PDXK: variants seen among roughly 807,000 people sequenced by gnomAD.
PDXK encodes pyridoxal kinase.
Under a neutral mutation model 43.2 loss-of-function variants are expected in PDXK, and 15 were observed. The ratio of observed to expected loss-of-function variants is 0.35; its 90% CI spans 0.23 to 0.53. PDXK has a LOEUF of 0.53. Ranked by LOEUF, PDXK falls within the 20% of genes least tolerant of loss-of-function variation. The probability of loss-of-function intolerance (pLI) is 0.92; values close to 1 mark genes in which losing one functional copy is unlikely to be tolerated. For synonymous variants in PDXK, 172 were observed against 165.4 expected, an observed-to-expected ratio of 1.04 and a Z score of -0.31; for missense variants, 343 against 417.0, an observed-to-expected ratio of 0.82 and a Z score of 1.54.
At chr21:43,744,745 C>T (rs1483793676) in intron 4 of PDXK, 1 of 152,270 alleles carries the variant, frequency 6.6e-6, no homozygotes, top group African/African-American at 2.4e-5. Flanking sequence ...CACCATGTGA[C>T]CCAGCAATTC....
Position 43,732,733 on chromosome 21 carries a change from ATTTTATTTTTTAT to A in PDXK, c.88-1325_88-1313del. 1.4e-6 allele frequency: 1 copy of A among 700,018 alleles called. No homozygotes were observed. The highest frequency in any genetic ancestry group is 2.6e-6 in the Non-Finnish European group (1 of 390,180). 43.4% of individuals were successfully genotyped at this position (700,018 alleles called of 1,614,324 possible). Reference sequence around the variant, plus strand: ...GGGCTGGTACATTTGCAAAGTGCCCATTTTATTTTTTATTTTTATTTTTATGTTTTTTGAGACA... The same window carrying A: ...GGGCTGGTACATTTGCAAAGTGCCCATTTTATTTTTATGTTTTTTGAGACA... On this transcript the variant is annotated intron_variant, in intron 1 of 10. Transcript: ENST00000291565. The surrounding 1 kb of genome is among the most constrained non-coding windows in gnomAD (Gnocchi z 4.1).
Position 43,759,807 on chromosome 21 carries a change from G to T in PDXK, c.*3744G>T, listed in dbSNP as rs1601847257. On this transcript the variant is annotated 3_prime_UTR_variant, in exon 11 of 11. Transcript: ENST00000291565. Reference sequence around the variant, plus strand: ...CGCCGCCTCTCACTGCCAGGCCAGCGGCTTCCGCTGAGACTCGCTGGAGAG... The same window carrying T: ...CGCCGCCTCTCACTGCCAGGCCAGCTGCTTCCGCTGAGACTCGCTGGAGAG... 1 of 152,292 alleles carries T rather than the reference G, an allele frequency of 6.6e-6. No homozygotes were observed. Among genetic ancestry groups the T allele is most frequent in the South Asian group, 2.1e-4 (1 of 4,832 alleles). The allele number at this position is 152,292 out of a possible 1,614,324, so 9.4% of individuals were successfully genotyped here.
intron 1 of PDXK, among the ~76,000 whole-genome samples, chr21:43,722,968 G>A (rs1203193708): frequency 6.6e-6 from 1 of 152,106 alleles, no homozygotes; most frequent in African/African-American, 2.4e-5. Flanking sequence ...CTCCTGAGTA[G>A]CTGGGACCAC....
intron 9 of PDXK, 48 bp from the exon 10 acceptor site, chr21:43,755,650 G>T: frequency 6.9e-7 from 1 of 1,447,198 alleles, no homozygotes; most frequent in Non-Finnish European, 9.7e-7. Flanking sequence ...TGGGCACGTC[G>T]GGTGTTGTGA....
intron 1 of PDXK, among the ~76,000 whole-genome samples, chr21:43,725,604 G>A (rs779276104): frequency 1.3e-5 from 2 of 152,120 alleles, no homozygotes; most frequent in African/African-American, 2.4e-5. Context: ...GAGGTCAGGA[G>A]TTCGAGACCA....
chr21:43,727,562 T>A (rs2083267054), intron 1 of PDXK, among the ~76,000 whole-genome samples: 1 of 152,164 alleles, frequency 6.6e-6, no homozygotes, highest in South Asian at 2.1e-4. Context: ...TCTCCTTACC[T>A]GTGACAGTCA....
At chr21:43,724,498 G>T (rs1457647733) in intron 1 of PDXK, among the ~76,000 whole-genome samples, 1 of 152,086 alleles carries the variant, frequency 6.6e-6, no homozygotes, top group Non-Finnish European at 1.5e-5. Context: ...TCCCCAGGGG[G>T]TTGCTTGAGG....
At chr21:43,733,102 G>A (rs950850256) in intron 1 of PDXK, among the ~76,000 whole-genome samples, 1 of 152,190 alleles carries the variant, frequency 6.6e-6, no homozygotes, top group Non-Finnish European at 1.5e-5. Context: ...GACTGCTAAC[G>A]TGTTTCATTA....
chr21:43,752,430 T>A, intron 7 of PDXK, 88 bp from the exon 8 acceptor site: 1 of 870,644 alleles, frequency 1.1e-6, no homozygotes, highest in Non-Finnish European at 1.9e-6. Context: ...CCCGTGCCAC[T>A]GCCAGGTGAT....
At chr21:43,724,365 G>A (rs2083232986) in intron 1 of PDXK, among the ~76,000 whole-genome samples, 1 of 152,152 alleles carries the variant, frequency 6.6e-6, no homozygotes, top group Non-Finnish European at 1.5e-5. Context: ...GGTCCCACCT[G>A]CTTACTGGGC....
intron 4 of PDXK, 38 bp downstream of exon 4, chr21:43,743,845 C>T (rs1428517348): frequency 1.2e-5 from 18 of 1,481,436 alleles, no homozygotes; most frequent in East Asian, 1.1e-4. Context: ...GCTGTGTGGC[C>T]CCACACGGGT....
In PDXK at chr21:43,754,035, G is replaced by A. The variant is rs2083803337; in HGVS notation, c.759+316G>A. Reference sequence around the variant, plus strand: ...TGCCACCCGCTTGGCGTTGGCGCAGGGCTGTGGGATGCATGGAGCTGTTGT... The same window carrying A: ...TGCCACCCGCTTGGCGTTGGCGCAGAGCTGTGGGATGCATGGAGCTGTTGT... On this transcript the variant is annotated intron_variant, in intron 9 of 10. Transcript: ENST00000291565. The surrounding 1 kb of genome is among the most constrained non-coding windows in gnomAD (Gnocchi z 5.5). 6.6e-6 allele frequency among the ~76,000 whole-genome samples: 1 copy of A among 152,260 alleles called. No individual in the cohort carries two copies. Among genetic ancestry groups the A allele is most frequent in the Non-Finnish European group, 1.5e-5 (1 of 68,042 alleles).
rs370672927 is a variant in PDXK, at chr21:43,747,176, T to C, written c.378+1051T>C. On this transcript the variant is annotated intron_variant, in intron 5 of 10. Transcript: ENST00000291565. ...TAGAAACCACTTAACCCATGAGCTG[T>C]GTAGTAACAGCAGCAGCTGCAGCCC... 3.9e-5 allele frequency: 6 copies of C among 152,218 alleles called. No homozygotes were observed. The East Asian group carries it at 7.7e-4, about 20-fold the overall frequency. The allele number at this position is 152,218 out of a possible 1,614,324, so 9.4% of individuals were successfully genotyped here.
intron 2 of PDXK, among the ~76,000 whole-genome samples, chr21:43,739,542 T>G (rs1471242157): frequency 6.7e-6 from 1 of 148,950 alleles, no homozygotes; most frequent in Non-Finnish European, 1.5e-5. Flanking sequence ...AACAAACACC[T>G]CCTTCACATT....
In PDXK at chr21:43,754,441, C is replaced by T. The variant is rs4819308; in HGVS notation, c.759+722C>T. Among the ~76,000 whole-genome samples, 2,321 of 152,266 alleles carry T rather than the reference C, an allele frequency of 0.015. 28 individuals are homozygous for T. The highest frequency in any genetic ancestry group is 0.068 in the Middle Eastern group (20 of 294). On this transcript the variant is annotated intron_variant, in intron 9 of 10. Coordinates refer to ENST00000291565, the MANE Select transcript of PDXK (RefSeq NM_003681.5). The surrounding 1 kb of genome is among the most constrained non-coding windows in gnomAD (Gnocchi z 5.5). ...CAACTGTGGCGCTCAGATCCGTGAC[C>T]TCCCGTGCTGCATGCAGCAGAGTTG...
intron 7 of PDXK, among the ~76,000 whole-genome samples, chr21:43,751,236 G>A (rs1263418880): frequency 6.6e-6 from 1 of 152,180 alleles, no homozygotes; most frequent in Non-Finnish European, 1.5e-5. Context: ...AAATGCCTGA[G>A]ACTGGATGAT....
At chr21:43,727,092 C>T (rs1218500350) in intron 1 of PDXK, among the ~76,000 whole-genome samples, 1 of 152,176 alleles carries the variant, frequency 6.6e-6, no homozygotes, top group African/African-American at 2.4e-5. Context: ...GTGTGACTGG[C>T]ATTCCCTGGA....
At chr21:43,729,128 G>A in intron 1 of PDXK, 2 of 513,514 alleles carry the variant, frequency 3.9e-6, no homozygotes, top group Non-Finnish European at 4.7e-6. Context: ...TTCCCACCCC[G>A]GCTCCGCTGG....
Position 43,724,132 on chromosome 21 carries a change from G to A in PDXK, c.87+4751G>A, listed in dbSNP as rs2838355. On this transcript the variant is annotated intron_variant, in intron 1 of 10. Coordinates refer to ENST00000291565, the MANE Select transcript of PDXK (RefSeq NM_003681.5). ...CAGGCAGCCGCATTCTTTCATTCTC[G>A]TGGTCCGTCGGTGCGGAGCAGACCT... Among the ~76,000 whole-genome samples, 444 of 152,190 alleles carry A rather than the reference G, an allele frequency of 2.9e-3. 2 individuals carry two copies. The highest frequency in any genetic ancestry group is 9.8e-3 in the African/African-American group (409 of 41,542).
Sources: allele counts gnomAD v4.1 joint callset (sites outside exome capture counted in the v4.1 genomes callset), GRCh38; gene constraint gnomAD v4.1.1; non-coding constraint Gnocchi (gnomAD v3.1); transcripts MANE v1.5; gene names NCBI Gene and HGNC (gene_info 2026-07-23, HGNC 2026-07-21).